The following GRIA2 variants were observed in gnomAD, a reference collection of about 807,000 sequenced individuals.
The protein encoded by GRIA2 is glutamate receptor 2.
A neutral mutation model predicts 97.3 loss-of-function variants in GRIA2; 14 were observed. The observed-to-expected ratio is 0.14, with a 90% CI of 0.10 to 0.23. GRIA2 has a LOEUF of 0.23. GRIA2 is among the 10% of genes least tolerant of loss of function. The pLI is 1.00. For missense variants in GRIA2, 558 were observed against 1,069.8 expected, an observed-to-expected ratio of 0.52 and a Z score of 6.67; for synonymous variants, 412 against 387.8, an observed-to-expected ratio of 1.06 and a Z score of -0.73.
chr4:157,323,859 C>A (rs1734694039), intron 6 of GRIA2, among the ~76,000 whole-genome samples: 1 of 152,176 alleles, frequency 6.6e-6, no homozygotes, highest in African/African-American at 2.4e-5. Flanking sequence ...CCTGCTGTAG[C>A]ATTTCCCCTC....
In GRIA2 at chr4:157,349,651, C is replaced by T. The variant is rs552884591; in HGVS notation, c.2043+8189C>T. On this transcript the variant is annotated intron_variant, in intron 12 of 15. Transcript: ENST00000264426. ...CCTAGTTTCCAAAAAACCAACTGTG[C>T]TGGCCTTAAAATTTGTTTATTTATA... Among the ~76,000 whole-genome samples the T allele has an allele frequency of 9.2e-5, 14 of 152,160 alleles. No individual in the cohort carries two copies. The South Asian group carries it at 2.9e-3, about 32-fold the overall frequency.
intron 2 of GRIA2, among the ~76,000 whole-genome samples, chr4:157,231,182 G>A (rs913013296): frequency 1.3e-5 from 2 of 152,068 alleles, no homozygotes; most frequent in African/African-American, 4.8e-5. Context: ...GGGACTACAG[G>A]TGCACACCGC....
intron 12 of GRIA2, among the ~76,000 whole-genome samples, chr4:157,346,285 C>T (rs1735762263): frequency 6.6e-6 from 1 of 152,048 alleles, no homozygotes; most frequent in African/African-American, 2.4e-5. Flanking sequence ...TCATTAAAGT[C>T]ACATTTAAGT....
chr4:157,341,285 T>C lies in GRIA2; in HGVS notation c.1866T>C (p.Val622=). The change falls in exon 12 of 16, where the codon GTT becomes GTC. Residue 622 remains valine, a synonymous_variant. Transcript: ENST00000264426. ...TTAGATCCCTCTCTGGGCGCATTGT[T>C]GGAGGTGTGTGGTGGTTCTTTACCC... The part of the protein sequence containing the change: ...ISPRSLSGRI[V]GGVWWFFTLI... 1 of 1,612,226 alleles carries C rather than the reference T, an allele frequency of 6.2e-7. No homozygotes were observed.
Position 157,364,584 on chromosome 4 carries a change from T to G in GRIA2, c.*1153T>G, listed in dbSNP as rs1028811567. ...AAATACCAGAATACGTGAAGTTCCATTTTTAAAGTGTTTGAGCTTACAGAA... is the reference window on the plus strand; with the variant it reads ...AAATACCAGAATACGTGAAGTTCCAGTTTTAAAGTGTTTGAGCTTACAGAA... On this transcript the variant is annotated 3_prime_UTR_variant, in exon 16 of 16. Coordinates refer to ENST00000264426, the MANE Select transcript of GRIA2 (RefSeq NM_001083619.3). 13 of 152,322 alleles carry G rather than the reference T, an allele frequency of 8.5e-5. No individual in the cohort carries two copies. The highest frequency in any genetic ancestry group is 3.1e-4 in the African/African-American group (13 of 41,530). The allele number at this position is 152,322 out of a possible 1,614,324, so 9.4% of individuals were successfully genotyped here.
chr4:157,246,209 T>G (rs1159065093), intron 2 of GRIA2, among the ~76,000 whole-genome samples: 4 of 152,130 alleles, frequency 2.6e-5, no homozygotes, highest in Non-Finnish European at 5.9e-5. Flanking sequence ...TGTGTTTAGT[T>G]AGGAATTCTA....
At chr4:157,225,286 A>T (rs892458370) in intron 2 of GRIA2, among the ~76,000 whole-genome samples, 1 of 152,014 alleles carries the variant, frequency 6.6e-6, no homozygotes, top group African/African-American at 2.4e-5. Flanking sequence ...TGGGTACCTG[A>T]GGCAGTAAGA....
intron 2 of GRIA2, among the ~76,000 whole-genome samples, chr4:157,302,176 CAAA>C (rs1209652829): frequency 7.5e-5 from 5 of 67,058 alleles, no homozygotes; most frequent in Non-Finnish European, 6.2e-5. Context: ...GACTGTGTCT[CAAA>C]AAAAAAAAAA....
intron 2 of GRIA2, among the ~76,000 whole-genome samples, chr4:157,231,071 G>A (rs1729992426): frequency 6.6e-6 from 1 of 151,522 alleles, no homozygotes; most frequent in South Asian, 2.1e-4. Context: ...ATGGAGTCTC[G>A]CTCTGTCACC....
intron 12 of GRIA2, among the ~76,000 whole-genome samples, chr4:157,349,199 C>A (rs181035364): frequency 6.6e-6 from 1 of 152,104 alleles, no homozygotes; most frequent in Non-Finnish European, 1.5e-5. Flanking sequence ...TAGAAAGTAT[C>A]GTGGTCCTTG....
intron 2 of GRIA2, among the ~76,000 whole-genome samples, chr4:157,262,604 C>T (rs1261253915): frequency 6.6e-6 from 1 of 151,984 alleles, no homozygotes; most frequent in Non-Finnish European, 1.5e-5. Context: ...AGCCTTGCCC[C>T]CAATTTCAAC....
upstream of GRIA2, chr4:157,220,662 GTGTGT>G: frequency 3.9e-6 from 1 of 255,414 alleles, no homozygotes; most frequent in Non-Finnish European, 7.5e-6. Context: ...ATGTGTGTGT[GTGTGT>G]GTGTGTGCGC....
chr4:157,287,081 T>A (rs1243798027), intron 2 of GRIA2, among the ~76,000 whole-genome samples: 1 of 151,692 alleles, frequency 6.6e-6, no homozygotes, highest in African/African-American at 2.4e-5. Flanking sequence ...TCTGGTGTTG[T>A]CTATTTCTTT....
chr4:157,353,721 CTTATAG>C (rs1298092908), intron 12 of GRIA2, among the ~76,000 whole-genome samples: 4 of 151,958 alleles, frequency 2.6e-5, no homozygotes, highest in Admixed American at 6.6e-5. Flanking sequence ...ACAAAAAAAC[CTTATAG>C]TTATAATTGT....
Position 157,312,883 on chromosome 4 carries a change from A to G in GRIA2, c.666+8A>G, listed in dbSNP as rs903010587. ...AACGACATTGTAGACCAGGTTTGCT[A>G]CTTTCTGTTTTCTAATGATGCCAGA... On this transcript the variant is annotated splice_region_variant and intron_variant, in intron 4 of 15. Coordinates refer to ENST00000264426, the MANE Select transcript of GRIA2 (RefSeq NM_001083619.3). 8 of 1,528,258 alleles carry G rather than the reference A, an allele frequency of 5.2e-6. No individual in the cohort carries two copies. Among genetic ancestry groups the G allele is most frequent in the Non-Finnish European group, 7.1e-6 (8 of 1,122,026 alleles). 94.7% of individuals were successfully genotyped at this position (1,528,258 alleles called of 1,614,324 possible). A position where few individuals can be genotyped will look rare whatever the true frequency, so the allele number is the denominator to read the frequency against.
At chr4:157,254,071 A>G (rs1046130427) in intron 2 of GRIA2, among the ~76,000 whole-genome samples, 1 of 151,872 alleles carries the variant, frequency 6.6e-6, no homozygotes, top group Non-Finnish European at 1.5e-5. Flanking sequence ...TAAAAATGAG[A>G]GACATTAATG....
chr4:157,247,780 C>G (rs1730797056), intron 2 of GRIA2, among the ~76,000 whole-genome samples: 1 of 152,038 alleles, frequency 6.6e-6, no homozygotes, highest in Non-Finnish European at 1.5e-5. Flanking sequence ...CAGAATGAGG[C>G]ACAGGAAGGG....
intron 2 of GRIA2, among the ~76,000 whole-genome samples, chr4:157,242,627 T>C (rs1730558517): frequency 6.6e-6 from 1 of 152,106 alleles, no homozygotes; most frequent in Non-Finnish European, 1.5e-5. Context: ...TTATTTACAG[T>C]AGTTATGTTC....
At chr4:157,247,330 C>A (rs544690115) in intron 2 of GRIA2, among the ~76,000 whole-genome samples, 1 of 152,222 alleles carries the variant, frequency 6.6e-6, no homozygotes, top group African/African-American at 2.4e-5. Context: ...TACATGAATC[C>A]AGAAAGTGCA....
Sources: allele counts gnomAD v4.1 joint callset (sites outside exome capture counted in the v4.1 genomes callset), GRCh38; gene constraint gnomAD v4.1.1; transcripts MANE v1.5; gene names NCBI Gene and HGNC (gene_info 2026-07-23, HGNC 2026-07-21).